Variants in MYO1D observed in about 807,000 individuals in gnomAD.
MYO1D encodes the protein unconventional myosin-Id.
MYO1D carries 83 observed loss-of-function variants against 122.0 expected under a neutral mutation model. The ratio of observed to expected loss-of-function variants is 0.68; its 90% CI spans 0.57 to 0.82. The LOEUF (loss-of-function observed/expected upper bound fraction) is 0.82, where lower values mean the gene tolerates loss of function less well. Ranked by LOEUF, MYO1D falls within the 40% of genes least tolerant of loss-of-function variation. MYO1D has a pLI of 0.00. For synonymous variants in MYO1D, 464 were observed against 446.9 expected (o/e 1.04, Z -0.48); for missense variants, 1,157 against 1,269.5 (o/e 0.91, Z 1.35).
intron 5 of MYO1D, among the ~76,000 whole-genome samples, chr17:32,772,269 T>C (rs917128491): frequency 2.6e-5 from 4 of 152,198 alleles, no homozygotes; most frequent in African/African-American, 4.8e-5. Context: ...TGAAAATAAA[T>C]ACTCAAATTT....
At chr17:32,619,800 AT>A (rs35111036) in intron 20 of MYO1D, among the ~76,000 whole-genome samples, 4 of 152,100 alleles carry the variant, frequency 2.6e-5, no homozygotes, top group Admixed American at 1.3e-4. Context: ...CTTTAATTGA[AT>A]TTTTTTGACC....
At chr17:32,829,793 A>T (rs2090755313) in intron 1 of MYO1D, among the ~76,000 whole-genome samples, 4 of 152,154 alleles carry the variant, frequency 2.6e-5, no homozygotes. Context: ...TGAGAGAGAT[A>T]CAGAAACTAG....
At chr17:32,788,351 A>T (rs2090318069) in intron 1 of MYO1D, among the ~76,000 whole-genome samples, 1 of 152,136 alleles carries the variant, frequency 6.6e-6, no homozygotes, top group Non-Finnish European at 1.5e-5. Context: ...TTAGTCATGA[A>T]TTCGTTGCCC....
chr17:32,764,700 C>T (rs1410417712), intron 8 of MYO1D, among the ~76,000 whole-genome samples, 178 bp downstream of exon 8: 6 of 152,182 alleles, frequency 3.9e-5, no homozygotes, highest in Admixed American at 3.3e-4. Flanking sequence ...CCTTTTTTGG[C>T]AGTGATGCTT....
chr17:32,600,522 G>T (rs2087549939), intron 21 of MYO1D, among the ~76,000 whole-genome samples: 1 of 152,236 alleles, frequency 6.6e-6, no homozygotes, highest in African/African-American at 2.4e-5. Context: ...ACTTGCCACA[G>T]CTTCTCCATC....
chr17:32,746,525 T>C (rs2089839874), intron 12 of MYO1D, among the ~76,000 whole-genome samples: 1 of 152,246 alleles, frequency 6.6e-6, no homozygotes, highest in African/African-American at 2.4e-5. Context: ...GCAATTATTT[T>C]AGACCACTGT....
intron 21 of MYO1D, chr17:32,497,076 A>T (rs1392625121): frequency 6.5e-6 from 1 of 152,686 alleles, no homozygotes; most frequent in East Asian, 1.9e-4. Context: ...TATCTCCAGG[A>T]TATGCTCTAC....
intron 1 of MYO1D, among the ~76,000 whole-genome samples, chr17:32,860,705 C>A (rs757064386): frequency 3.4e-4 from 52 of 152,150 alleles, no homozygotes; most frequent in Non-Finnish European, 6.2e-4. Flanking sequence ...GAATAATAAA[C>A]ACAAAGCTAG....
At chr17:32,515,238 G>A (rs1013369119) in intron 21 of MYO1D, among the ~76,000 whole-genome samples, 1 of 152,178 alleles carries the variant, frequency 6.6e-6, no homozygotes, top group Non-Finnish European at 1.5e-5. Flanking sequence ...AAGCAACTAT[G>A]CCACCTTCCA....
At chr17:32,603,929 TC>T (rs1314480857) in intron 21 of MYO1D, among the ~76,000 whole-genome samples, 2 of 152,236 alleles carry the variant, frequency 1.3e-5, no homozygotes, top group Non-Finnish European at 2.9e-5. Context: ...GTAATTACTT[TC>T]TTATTTTTTC....
At chr17:32,849,692 T>C (rs950463380) in intron 1 of MYO1D, among the ~76,000 whole-genome samples, 14 of 151,742 alleles carry the variant, frequency 9.2e-5, no homozygotes, top group South Asian at 6.2e-4. Flanking sequence ...AGGGATAGCA[T>C]TGGGAGATAT....
In MYO1D at chr17:32,611,961, T is replaced by C. The variant is rs369717940; in HGVS notation, c.2710-6720A>G. Among the ~76,000 whole-genome samples, 8 of 152,298 alleles carry C rather than the reference T, an allele frequency of 5.3e-5. No homozygotes were observed. The South Asian group carries it at 1.2e-3, about 24-fold the overall frequency. Reference sequence around the variant, plus strand: ...AAATATTTAACAGTAATCATTAAGATGAAAAAGGATGTGTAAGGTTCTAAC... The same window carrying C: ...AAATATTTAACAGTAATCATTAAGACGAAAAAGGATGTGTAAGGTTCTAAC... On this transcript the variant is annotated intron_variant, in intron 20 of 21. Transcript: ENST00000318217.
intron 21 of MYO1D, among the ~76,000 whole-genome samples, chr17:32,507,637 T>G (rs1597863073): frequency 6.6e-6 from 1 of 152,162 alleles, no homozygotes; most frequent in African/African-American, 2.4e-5. Flanking sequence ...ATAACAATAG[T>G]ACTATGGACT....
At chr17:32,807,772 G>C (rs1421381) in intron 1 of MYO1D, among the ~76,000 whole-genome samples, 5,894 of 152,256 alleles carry the variant, frequency 0.039, 369 homozygotes, top group African/African-American at 0.13. Context: ...CCCCTGGATT[G>C]ACAGAAAAGT....
chr17:32,817,147 T>G (rs1295671894), intron 1 of MYO1D, among the ~76,000 whole-genome samples: 1 of 152,234 alleles, frequency 6.6e-6, no homozygotes, highest in Non-Finnish European at 1.5e-5. Flanking sequence ...CAGGTTGGTC[T>G]TGAACTCCTG....
At chr17:32,629,451 T>A (rs2087973417) in intron 20 of MYO1D, among the ~76,000 whole-genome samples, 1 of 152,012 alleles carries the variant, frequency 6.6e-6, no homozygotes. Context: ...TTAAAAAGTA[T>A]GGGCCAGGCA....
intron 1 of MYO1D, among the ~76,000 whole-genome samples, chr17:32,850,430 C>T (rs2090976243): frequency 1.3e-5 from 2 of 152,142 alleles, no homozygotes; most frequent in African/African-American, 4.8e-5. Context: ...GTACAACAAT[C>T]CTATCAAAGA....
Position 32,763,239 on chromosome 17 carries a change from A to G in MYO1D, c.1035+1639T>C, listed in dbSNP as rs183443125. ...ATTGCCCCTCCTTAAAGTCCTCCCTATTGCTCTCCATTGCACTTAGGAAAA... is the reference window on the plus strand; with the variant it reads ...ATTGCCCCTCCTTAAAGTCCTCCCTGTTGCTCTCCATTGCACTTAGGAAAA... On this transcript the variant is annotated intron_variant, in intron 8 of 21. Coordinates refer to ENST00000318217, the MANE Select transcript of MYO1D (RefSeq NM_015194.3). Among the ~76,000 whole-genome samples the G allele has an allele frequency of 3.0e-4, 46 of 152,164 alleles. 1 individual carries two copies. The highest frequency in any genetic ancestry group is 6.8e-3 in the Middle Eastern group (2 of 294).
intron 16 of MYO1D, among the ~76,000 whole-genome samples, chr17:32,691,401 ATTCTTTT>A (rs1567951450): frequency 7.0e-6 from 1 of 143,542 alleles, no homozygotes; most frequent in African/African-American, 2.7e-5. Context: ...TGCAAAGAAA[ATTCTTTT>A]TTTTTTTTTT....
Sources: gnomAD v4.1 joint callset for allele counts (sites outside exome capture counted in the v4.1 genomes callset) on GRCh38, gnomAD v4.1.1 for gene constraint, MANE v1.5 for transcripts, NCBI Gene and HGNC (gene_info 2026-07-23, HGNC 2026-07-21) for gene names.